The following GARNL3 variants were observed in gnomAD, a reference collection of about 807,000 sequenced individuals.
GARNL3 encodes the protein GTPase activating Rap/RanGAP domain like 3.
GARNL3 carries 63 observed loss-of-function variants against 125.0 expected under a neutral mutation model. The ratio of observed to expected loss-of-function variants is 0.50; its 90% confidence interval spans 0.41 to 0.62. GARNL3 has a LOEUF of 0.62. Ranked by LOEUF, GARNL3 falls within the 20% of genes least tolerant of loss-of-function variation. The pLI, the probability that GARNL3 is intolerant of heterozygous loss-of-function variation, is 0.00. For synonymous variants in GARNL3, 439 were observed against 457.5 expected (o/e 0.96, Z 0.52); for missense variants, 994 against 1,244.0 (o/e 0.80, Z 3.02).
rs1033060099 is a variant in GARNL3, at chr9:127,231,020, A to G, written c.-29+6682A>G. 1.1e-4 allele frequency among the ~76,000 whole-genome samples: 10 copies of G among 87,784 alleles called. No homozygotes were observed. In the East Asian group the frequency reaches 2.4e-3, roughly 21 times the overall value. 57.6% of individuals were successfully genotyped at this position (87,784 alleles called of 152,430 possible). A position where few individuals can be genotyped will look rare whatever the true frequency, so the allele number is the denominator to read the frequency against. On this transcript the variant is annotated intron_variant, in intron 1 of 10. Transcript: ENST00000439286. ...TATATACACATATGTGTATATATAC[A>G]TATATGTATATATACATATATATAT...
rs761786782 is a variant in GARNL3 at position 127,344,307 on chromosome 9, G to A, written c.1324G>A (p.Ala442Thr). ...SPKSARKKEE[A>T]RQAEFVRIGQ... Reference sequence around the variant, plus strand: ...CAAGTCAGCGCGGAAGAAAGAGGAGGCCCGCCAGGCGGAGTTTGTTAGAAT... The same window carrying A: ...CAAGTCAGCGCGGAAGAAAGAGGAGACCCGCCAGGCGGAGTTTGTTAGAAT... Residue 442 changes from alanine to threonine, a missense_variant, in exon 15 of 28, where the codon GCC (alanine) becomes ACC (threonine). Coordinates refer to ENST00000373387, the MANE Select transcript of GARNL3 (RefSeq NM_032293.5). 4 of 1,613,930 alleles carry A rather than the reference G, an allele frequency of 2.5e-6. No individual in the cohort carries two copies. The highest frequency in any genetic ancestry group is 3.4e-6 in the Non-Finnish European group (4 of 1,179,782).
Position 127,333,018 on chromosome 9 carries a change from T to G in GARNL3, c.671-5T>G, listed in dbSNP as rs779393961. On this transcript the variant is annotated splice_polypyrimidine_tract_variant and splice_region_variant and intron_variant, in intron 8 of 27. Coordinates refer to ENST00000373387, the MANE Select transcript of GARNL3 (RefSeq NM_032293.5). The stretch of plus-strand genomic sequence containing the variant: ...ACTTTCCTCATACTCTACTTCTTCC[T>G]GCAGAAATTGGAAGCGAGCCTTTTC... 2 of 1,604,536 alleles carry G rather than the reference T, an allele frequency of 1.2e-6. No individual in the cohort carries two copies. Among genetic ancestry groups the G allele is most frequent in the Admixed American group, 1.7e-5 (1 of 60,008 alleles).
chr9:127,348,926 G>A lies in GARNL3; in HGVS notation c.1434G>A (p.Pro478=), dbSNP rs148310192. 71 of 1,608,804 alleles carry A rather than the reference G, an allele frequency of 4.4e-5. No individual in the cohort carries two copies. Among genetic ancestry groups the A allele is most frequent in the Middle Eastern group, 1.9e-4 (1 of 5,330 alleles). Reference sequence around the variant, plus strand: ...CCGATGCTTGTATTGCCTCACAGCCGTGGGAGCCCCAGTGTTTCTGCAGTA... The same window carrying A: ...CCGATGCTTGTATTGCCTCACAGCCATGGGAGCCCCAGTGTTTCTGCAGTA... ...LAASGICKKE[P]WEPQCFCSNF... Residue 478 remains proline (P), a splice_region_variant and synonymous_variant, in exon 17 of 28, where the codon CCG becomes CCA. Transcript: ENST00000373387.
At position 127,338,173 on chromosome 9, in the gene GARNL3, CTT is replaced by C. The variant is rs537922962; in HGVS notation, c.1028+14_1028+15del. On this transcript the variant is annotated intron_variant, in intron 12 of 27. Transcript: ENST00000373387. Reference sequence around the variant, plus strand: ...AATGACAATTACAGGTAGGTAATGACTTTGTCTCGATTGCTTGTCCTAATTCT... The same window carrying C: ...AATGACAATTACAGGTAGGTAATGACTGTCTCGATTGCTTGTCCTAATTCT... The C allele has an allele frequency of 4.8e-4, 765 of 1,594,158 alleles. 4 individuals are homozygous for C. The African/African-American group carries it at 9.5e-3, about 20-fold the overall frequency.
intron 1 of GARNL3, among the ~76,000 whole-genome samples, chr9:127,272,545 T>C (rs570229887): frequency 5.9e-5 from 9 of 151,830 alleles, no homozygotes; most frequent in Non-Finnish European, 1.0e-4. Flanking sequence ...GGTGGCTCGA[T>C]CTCGGCTCAC....
In GARNL3 at chr9:127,328,649, G is replaced by T. The variant is rs148849239; in HGVS notation, c.594+3554G>T. Among the ~76,000 whole-genome samples the T allele has an allele frequency of 6.6e-3, 1,000 of 152,180 alleles. 4 individuals are homozygous for T. Among genetic ancestry groups the T allele is most frequent in the South Asian group, 0.026 (126 of 4,814 alleles). ...GGTGTTGCCTAAACAAGAGTAACAA[G>T]GAACCAGGGGTGTCTCATTTTGAAT... is the stretch of plus-strand genomic sequence containing the variant. On this transcript the variant is annotated intron_variant, in intron 7 of 27. Transcript: ENST00000373387.
intron 20 of GARNL3, among the ~76,000 whole-genome samples, chr9:127,355,691 C>CACAG (rs1486249924): frequency 1.3e-5 from 2 of 152,186 alleles, no homozygotes; most frequent in Non-Finnish European, 2.9e-5. Context: ...GTACGAAGGA[C>CACAG]ACAGCGATGA....
chr9:127,343,727 A>G (rs1394951716), intron 14 of GARNL3, among the ~76,000 whole-genome samples: 1 of 152,242 alleles, frequency 6.6e-6, no homozygotes, highest in Non-Finnish European at 1.5e-5. Context: ...GAAGTACCTT[A>G]CATGCATTGC....
rs1171295730 is a variant in GARNL3 at position 127,383,504 on chromosome 9, C to T, written c.2228C>T (p.Ser743Leu). The change falls in exon 23 of 28, where the codon TCA becomes TTA. Residue 743 changes from serine (S) to leucine (L), a missense_variant. Transcript: ENST00000373387. Reference protein sequence around the residue: ...GGSFLVQPSASDFQFCWNQAP... With the variant: ...GGSFLVQPSALDFQFCWNQAP... The stretch of plus-strand genomic sequence containing the variant: ...TCTTTTTTGGTTCAACCTTCTGCGT[C>T]AGATTTCCAGTTCTGTTGGAACCAG... The T allele has an allele frequency of 1.2e-6, 2 of 1,613,676 alleles. No homozygotes were observed. The highest frequency in any genetic ancestry group is 2.2e-5 in the East Asian group (1 of 44,862).
At position 127,345,490 on chromosome 9, in the gene GARNL3, T is replaced by C. The variant is rs771045784; in HGVS notation, c.1431+13T>C. 1 of 1,516,710 alleles carries C rather than the reference T, an allele frequency of 6.6e-7. No homozygotes were observed. Among genetic ancestry groups the C allele is most frequent in the Admixed American group, 1.9e-5 (1 of 51,670 alleles). The allele number at this position is 1,516,710 out of a possible 1,614,324, so 94.0% of individuals were successfully genotyped here. The stretch of plus-strand genomic sequence containing the variant: ...CTGTAAAAAAGAGGTGAGTTCATGA[T>C]ACTTTCAATTTGAACTTTGAATTCC... On this transcript the variant is annotated intron_variant, in intron 16 of 27. Coordinates refer to ENST00000373387, the MANE Select transcript of GARNL3 (RefSeq NM_032293.5).
chr9:127,271,953 G>T (rs754422483), intron 1 of GARNL3, among the ~76,000 whole-genome samples: 16 of 150,274 alleles, frequency 1.1e-4, no homozygotes, highest in African/African-American at 1.0e-4. Context: ...AAATATATCA[G>T]TGCTTCTCTA....
intron 9 of GARNL3, 29 bp downstream of exon 9, chr9:127,333,150 G>A (rs767362686): frequency 3.4e-5 from 53 of 1,557,466 alleles, no homozygotes; most frequent in Non-Finnish European, 4.7e-5. Context: ...CTATTCTGTT[G>A]TAATTTGTAT....
intron 7 of GARNL3, among the ~76,000 whole-genome samples, chr9:127,329,956 C>A (rs1229850309): frequency 1.3e-5 from 2 of 152,204 alleles, no homozygotes; most frequent in Non-Finnish European, 2.9e-5. Context: ...TCAGCTGGAC[C>A]TGATCCTGGG....
intron 1 of GARNL3, among the ~76,000 whole-genome samples, chr9:127,231,718 A>G (rs142469289): frequency 2.0e-5 from 3 of 152,332 alleles, no homozygotes; most frequent in African/African-American, 7.2e-5. Flanking sequence ...CAGATTCTCA[A>G]GCCTCACCCC....
In GARNL3 at chr9:127,291,308, A is replaced by T. The variant is rs1304500186; in HGVS notation, c.219+66A>T. The stretch of plus-strand genomic sequence containing the variant: ...ATGATTATAGTGCCTGGGATATAGC[A>T]GTGAAAGAGTTCTGGAAGAGGTAAA... On this transcript the variant is annotated intron_variant, in intron 2 of 27. Transcript: ENST00000373387. 21 of 1,372,622 alleles carry T rather than the reference A, an allele frequency of 1.5e-5. No individual in the cohort carries two copies. In the East Asian group the frequency reaches 4.6e-4, roughly 30 times the overall value. The allele number at this position is 1,372,622 out of a possible 1,614,324, so 85.0% of individuals were successfully genotyped here.
intron 2 of GARNL3, among the ~76,000 whole-genome samples, chr9:127,246,086 G>A (rs115048117): frequency 6.1e-4 from 93 of 152,290 alleles, no homozygotes; most frequent in African/African-American, 2.1e-3. Context: ...GTGCTTCTTA[G>A]GGAGTGGTGG....
chr9:127,304,176 A>G (rs955594609), intron 2 of GARNL3, among the ~76,000 whole-genome samples: 1 of 152,192 alleles, frequency 6.6e-6, no homozygotes, highest in Non-Finnish European at 1.5e-5. Flanking sequence ...TGTCACCTTA[A>G]ACTCCTATAG....
In GARNL3 at chr9:127,311,584, A is replaced by T. The variant is rs16929767; in HGVS notation, c.220-52A>T. The T allele has an allele frequency of 9.2e-4, 1,142 of 1,244,870 alleles. 12 individuals are homozygous for T. The African/African-American group carries it at 0.011, about 11-fold the overall frequency. 77.1% of individuals were successfully genotyped at this position (1,244,870 alleles called of 1,614,324 possible). ...TGGCCGCTGGTTCATTGCCAGGTTCATGTTTACTTTCTGAATAAGCCTCTT... is the reference window on the plus strand; with the variant it reads ...TGGCCGCTGGTTCATTGCCAGGTTCTTGTTTACTTTCTGAATAAGCCTCTT... On this transcript the variant is annotated intron_variant, in intron 2 of 27. Transcript: ENST00000373387.
chr9:127,354,698 CTAAT>C, intron 19 of GARNL3, among the ~76,000 whole-genome samples: 1 of 152,320 alleles, frequency 6.6e-6, no homozygotes, highest in East Asian at 1.9e-4. Context: ...TCCCAGAGCT[CTAAT>C]TACTTTAATT....
Sources: allele counts gnomAD v4.1 joint callset (sites outside exome capture counted in the v4.1 genomes callset), GRCh38; gene constraint gnomAD v4.1.1; transcripts MANE v1.5; gene names NCBI Gene and HGNC (gene_info 2026-07-23, HGNC 2026-07-21).